Variants in CMTM1 observed in about 807,000 individuals in gnomAD.
The protein encoded by CMTM1 is CKLF-like MARVEL transmembrane domain-containing protein 1.
A neutral mutation model predicts 17.8 loss-of-function variants in CMTM1; 16 were observed. That is an observed-to-expected ratio of 0.90 (90% CI 0.61 to 1.37). The LOEUF is 1.37. Ranked by LOEUF, CMTM1 falls within the 40% of genes most tolerant of loss-of-function variation. The probability of loss-of-function intolerance (pLI) is 0.00; values close to 1 mark genes in which losing one functional copy is unlikely to be tolerated. For synonymous variants in CMTM1, 169 were observed against 154.6 expected (o/e 1.09, Z -0.69); for missense variants, 354 against 375.6 (o/e 0.94, Z 0.47).
At chr16:66,574,840 T>G in intron 2 of CMTM1, 1 of 601,752 alleles carries the variant, frequency 1.7e-6, no homozygotes, top group Non-Finnish European at 2.1e-6. Context: ...GAGAGCAATT[T>G]TTAAAAAAGA....
intron 2 of CMTM1, chr16:66,574,882 C>G (rs1000154538): frequency 1.7e-5 from 15 of 857,458 alleles, no homozygotes; most frequent in African/African-American, 1.5e-4. Flanking sequence ...TACTCTGCTT[C>G]TCAGTTGTAA....
chr16:66,566,763 C>T lies in CMTM1; in HGVS notation c.250C>T (p.Arg84Cys), dbSNP rs369937977. The change falls in exon 1 of 4, where the codon CGC becomes TGC. Residue 84 changes from arginine (R) to cysteine (C), a missense_variant. Coordinates refer to ENST00000379500, the MANE Select transcript of CMTM1 (RefSeq NM_052999.4). The surrounding 1 kb of genome is among the most constrained non-coding windows in gnomAD (Gnocchi z 4.9). ...GTAPSRKATTRPPPKPTLPPP... is the reference protein window; with the variant it reads ...GTAPSRKATTCPPPKPTLPPP... The stretch of plus-strand genomic sequence containing the variant: ...CGCACCCTCAAGGAAAGCCACCACA[C>T]GCCCACCCCCAAAGCCCACACTCCC... The T allele has an allele frequency of 4.6e-5, 74 of 1,613,476 alleles. No individual in the cohort carries two copies. The highest frequency in any genetic ancestry group is 6.2e-5 in the Non-Finnish European group (73 of 1,179,776).
rs2012371347 is a variant in CMTM1 at position 66,566,558 on chromosome 16, A to G, written c.45A>G (p.Ser15=). 3.1e-6 allele frequency: 5 copies of G among 1,613,700 alleles called. No individual in the cohort carries two copies. The highest frequency in any genetic ancestry group is 4.2e-6 in the Non-Finnish European group (5 of 1,179,898). The change falls in exon 1 of 4, where the codon TCA becomes TCG. Residue 15 remains serine, a synonymous_variant. Transcript: ENST00000379500. The surrounding 1 kb of genome is among the most constrained non-coding windows in gnomAD (Gnocchi z 4.9). ...AACCTGAGTCATCCGAGGCACCTTC[A>G]GGGAACTTGAAACAACCGGAGACTG... ...HAKPESSEAP[S]GNLKQPETAA...
intron 3 of CMTM1, among the ~76,000 whole-genome samples, chr16:66,578,267 T>G (rs568400012): frequency 2.0e-5 from 3 of 152,280 alleles, no homozygotes; most frequent in Non-Finnish European, 4.4e-5. Flanking sequence ...GCCTCCAGCC[T>G]GGTTCACCTT....
chr16:66,577,059 T>C (rs373114765), intron 2 of CMTM1, 45 bp from the exon 3 acceptor site: 2 of 1,546,466 alleles, frequency 1.3e-6, no homozygotes, highest in Non-Finnish European at 1.8e-6. Context: ...ATTTGTGAAA[T>C]TATATTGTTG....
In CMTM1 at chr16:66,569,971, C is replaced by T. The variant is rs755417525; in HGVS notation, c.468C>T (p.Ile156=). The change falls in exon 2 of 4, where the codon ATC becomes ATT. Residue 156 remains isoleucine (I), a synonymous_variant. Transcript: ENST00000379500. ...TAGGAGCATTAGCTTGTTTCATCAT[C>T]ACCCAAGCCAATGAGTCATTTATAA... ...LILGALACFI[I]TQANESFITI... is the part of the protein sequence containing the mutation. 21 of 1,610,876 alleles carry T rather than the reference C, an allele frequency of 1.3e-5. No individual in the cohort carries two copies. The highest frequency in any genetic ancestry group is 1.6e-5 in the Non-Finnish European group (19 of 1,178,818).
chr16:66,569,068 C>T (rs1275857080), intron 1 of CMTM1, among the ~76,000 whole-genome samples: 2 of 152,096 alleles, frequency 1.3e-5, no homozygotes, highest in African/African-American at 2.4e-5. Flanking sequence ...GAAAATATTT[C>T]TGTTTACAAC....
intron 1 of CMTM1, chr16:66,567,456 T>C (rs1049808090): frequency 4.3e-6 from 1 of 232,130 alleles, no homozygotes; most frequent in Non-Finnish European, 8.6e-6. Context: ...GGTTTCCAGC[T>C]TCATCCATGT....
Position 66,566,856 on chromosome 16 carries a change from G to C in CMTM1, c.343G>C (p.Glu115Gln), listed in dbSNP as rs1215316059. 1.9e-6 allele frequency: 3 copies of C among 1,613,962 alleles called. No homozygotes were observed. Among genetic ancestry groups the C allele is most frequent in the Admixed American group, 3.3e-5 (2 of 60,010 alleles). ...TGAGATGGCGATCAAAGAGCGCGTGGAGGGCCGAGCCAAAGTCCCGTACAA... is the reference window on the plus strand; with the variant it reads ...TGAGATGGCGATCAAAGAGCGCGTGCAGGGCCGAGCCAAAGTCCCGTACAA... ...LNEMAIKERV[E>Q]GRAKVPYKFR... Residue 115 changes from glutamate (E) to glutamine (Q), a missense_variant, in exon 1 of 4, where the codon GAG becomes CAG. Coordinates refer to ENST00000379500, the MANE Select transcript of CMTM1 (RefSeq NM_052999.4). The surrounding 1 kb of genome is among the most constrained non-coding windows in gnomAD (Gnocchi z 4.9).
At chr16:66,575,132 A>T in intron 2 of CMTM1, 10 of 985,354 alleles carry the variant, frequency 1.0e-5, no homozygotes, top group Non-Finnish European at 1.2e-5. Context: ...CCTTTCCAAG[A>T]GGCAAGTCAC....
Position 66,579,068 on chromosome 16 carries a change from C to A in CMTM1, c.*67C>A. 1.3e-6 allele frequency: 2 copies of A among 1,570,120 alleles called. No individual in the cohort carries two copies. Among genetic ancestry groups the A allele is most frequent in the South Asian group, 2.3e-5 (2 of 86,004 alleles). On this transcript the variant is annotated 3_prime_UTR_variant, in exon 4 of 4. Transcript: ENST00000379500. The surrounding 1 kb of genome is among the most constrained non-coding windows in gnomAD (Gnocchi z 6.5). ...CGCTGCCTCCGAGCCCACCCCCGAG[C>A]TCGCATGCTGTCACCCATTCCAGCC...
chr16:66,567,155 T>C (rs767249889), intron 1 of CMTM1: 147 of 117,248 alleles, frequency 1.3e-3, no homozygotes, highest in African/African-American at 7.9e-3. Flanking sequence ...CTATTTTTTC[T>C]TTTTTTTTTT....
At chr16:66,567,923 A>C (rs968101306) in intron 1 of CMTM1, among the ~76,000 whole-genome samples, 1 of 152,246 alleles carries the variant, frequency 6.6e-6, no homozygotes, top group African/African-American at 2.4e-5. Context: ...ACAGGGCAAT[A>C]TAAACATAGA....
At chr16:66,568,467 GAGTC>G (rs1321783455) in intron 1 of CMTM1, among the ~76,000 whole-genome samples, 7 of 152,084 alleles carry the variant, frequency 4.6e-5, no homozygotes, top group South Asian at 2.1e-4. Flanking sequence ...TTCAAACTAA[GAGTC>G]AGCATATTTA....
chr16:66,575,058 C>A, intron 2 of CMTM1: 1 of 985,516 alleles, frequency 1.0e-6, no homozygotes, highest in South Asian at 4.7e-5. Flanking sequence ...CAACCTCCAC[C>A]AGCCCTGCTA....
At chr16:66,575,078 G>A in intron 2 of CMTM1, 1 of 985,434 alleles carries the variant, frequency 1.0e-6, no homozygotes, top group South Asian at 4.7e-5. Flanking sequence ...ACATACCCCT[G>A]TTCCAGCATT....
intron 2 of CMTM1, among the ~76,000 whole-genome samples, chr16:66,572,855 G>T (rs1229170303): frequency 6.6e-6 from 1 of 152,222 alleles, no homozygotes; most frequent in Non-Finnish European, 1.5e-5. Context: ...TGAAAAAGGG[G>T]TGAGGGTAAA....
chr16:66,574,470 T>C (rs2013981800), intron 2 of CMTM1, among the ~76,000 whole-genome samples: 1 of 152,228 alleles, frequency 6.6e-6, no homozygotes, highest in Non-Finnish European at 1.5e-5. Context: ...AAACTGGGGA[T>C]AATGAGAGTT....
chr16:66,570,835 C>T (rs1005351971), intron 2 of CMTM1, among the ~76,000 whole-genome samples: 2 of 152,168 alleles, frequency 1.3e-5, no homozygotes, highest in Non-Finnish European at 2.9e-5. Flanking sequence ...TCATAGGGTT[C>T]CTGAAACATT....
Sources: gnomAD v4.1 joint callset for allele counts (sites outside exome capture counted in the v4.1 genomes callset) on GRCh38, gnomAD v4.1.1 for gene constraint, Gnocchi (gnomAD v3.1) non-coding constraint, MANE v1.5 for transcripts, NCBI Gene and HGNC (gene_info 2026-07-23, HGNC 2026-07-21) for gene names.